The following NRXN1 variants were observed in gnomAD, a reference collection of about 807,000 sequenced individuals.
NRXN1 encodes the protein neurexin 1.
A neutral mutation model predicts 150.9 loss-of-function variants in NRXN1; 39 were observed. The observed-to-expected ratio is 0.26, with a 90% CI of 0.20 to 0.34. The LOEUF is 0.34. NRXN1 is among the 10% of genes least tolerant of loss of function. The pLI is 1.00. For synonymous variants in NRXN1, 924 were observed against 757.0 expected (o/e 1.22, Z -3.62); for missense variants, 1,815 against 1,949.9 (o/e 0.93, Z 1.30).
intron 17 of NRXN1, among the ~76,000 whole-genome samples, chr2:50,301,672 T>C (rs1034531102): frequency 1.3e-5 from 2 of 152,152 alleles, no homozygotes; most frequent in Non-Finnish European, 2.9e-5. Context: ...TCTCTGAGAA[T>C]ACCCTGGCAT....
At chr2:50,637,793 C>G (rs1683451921) in intron 5 of NRXN1, among the ~76,000 whole-genome samples, 1 of 151,672 alleles carries the variant, frequency 6.6e-6, no homozygotes, top group African/African-American at 2.4e-5. Context: ...CAGGGACATG[C>G]CAGAGAATGG....
intron 21 of NRXN1, among the ~76,000 whole-genome samples, chr2:49,957,722 C>T (rs1210341017): frequency 1.3e-5 from 2 of 152,080 alleles, no homozygotes; most frequent in African/African-American, 4.8e-5. Context: ...GCTCCAGTTC[C>T]CTTTTAGGTA....
intron 5 of NRXN1, among the ~76,000 whole-genome samples, chr2:50,773,424 C>G (rs1332932484): frequency 6.6e-6 from 1 of 152,020 alleles, no homozygotes; most frequent in South Asian, 2.1e-4. Flanking sequence ...TGTCCCTTTG[C>G]GGGGGAGGAA....
chr2:50,601,782 A>G (rs1237362604), intron 8 of NRXN1, among the ~76,000 whole-genome samples: 1 of 152,210 alleles, frequency 6.6e-6, no homozygotes, highest in East Asian at 1.9e-4. Flanking sequence ...CATACACTGG[A>G]GTACATTTAA....
At chr2:50,556,521 A>T (rs1573534234) in intron 8 of NRXN1, among the ~76,000 whole-genome samples, 7 of 115,126 alleles carry the variant, frequency 6.1e-5, no homozygotes, top group South Asian at 2.5e-4. Flanking sequence ...TTTTTTTTTT[A>T]AAGAGTGATT....
chr2:49,972,003 A>AACT (rs1678042897), intron 21 of NRXN1, among the ~76,000 whole-genome samples: 2 of 152,202 alleles, frequency 1.3e-5, no homozygotes, highest in Admixed American at 6.5e-5. Flanking sequence ...TCCACTAGAT[A>AACT]ACTGACAAGT....
At chr2:50,259,892 G>C (rs1008686654) in intron 17 of NRXN1, among the ~76,000 whole-genome samples, 7 of 151,872 alleles carry the variant, frequency 4.6e-5, no homozygotes, top group African/African-American at 7.2e-5. Flanking sequence ...CATCAAGGTG[G>C]TTTATCATTT....
At chr2:50,708,102 T>C (rs188017440) in intron 5 of NRXN1, among the ~76,000 whole-genome samples, 1 of 152,138 alleles carries the variant, frequency 6.6e-6, no homozygotes, top group African/African-American at 2.4e-5. Flanking sequence ...CCTAAGAAAA[T>C]TACGAGTTCC....
At chr2:49,954,092 G>C (rs1352239563) in intron 21 of NRXN1, among the ~76,000 whole-genome samples, 2 of 152,114 alleles carry the variant, frequency 1.3e-5, no homozygotes, top group Non-Finnish European at 2.9e-5. Flanking sequence ...GCTCCGGATA[G>C]TGCTTGAAGA....
intron 5 of NRXN1, among the ~76,000 whole-genome samples, chr2:50,682,525 C>T (rs1040372229): frequency 2.6e-5 from 4 of 152,158 alleles, no homozygotes; most frequent in African/African-American, 9.6e-5. Context: ...GGTTGACACA[C>T]ATATGAGCAC....
intron 5 of NRXN1, among the ~76,000 whole-genome samples, chr2:50,773,610 T>G (rs1283619786): frequency 6.6e-6 from 1 of 152,170 alleles, no homozygotes. Context: ...AAGCTAATCC[T>G]GTGTTCTCAG....
At chr2:50,457,336 C>T (rs35738118) in intron 17 of NRXN1, among the ~76,000 whole-genome samples, 1,639 of 152,188 alleles carry the variant, frequency 0.011, 19 homozygotes, top group Non-Finnish European at 0.013. Context: ...GGGAATTTTG[C>T]AGCTAGGGAA....
At chr2:50,601,832 C>A (rs534236831) in intron 8 of NRXN1, among the ~76,000 whole-genome samples, 2 of 152,244 alleles carry the variant, frequency 1.3e-5, no homozygotes, top group Admixed American at 1.3e-4. Context: ...CAGGTCTGCT[C>A]CTTCCTTGTT....
In NRXN1 at chr2:50,346,590, G is replaced by C; in HGVS notation, c.3365-109620C>G. ...CACCCAAATGCACCTCCCTTTTGTC[G>C]AGCTCCCATTTCTCTGAGCCTTAGG... On this transcript the variant is annotated intron_variant, in intron 17 of 22. Coordinates refer to ENST00000401669, the MANE Select transcript of NRXN1 (RefSeq NM_001330078.2). The surrounding 1 kb of genome is among the most constrained non-coding windows in gnomAD (Gnocchi z 5.0). 1.6e-6 allele frequency: 2 copies of C among 1,272,248 alleles called. No individual in the cohort carries two copies. Among genetic ancestry groups the C allele is most frequent in the Non-Finnish European group, 2.3e-6 (2 of 884,778 alleles). 78.8% of individuals were successfully genotyped at this position (1,272,248 alleles called of 1,614,324 possible). A position where few individuals can be genotyped will look rare whatever the true frequency, so the allele number is the denominator to read the frequency against.
intron 12 of NRXN1, among the ~76,000 whole-genome samples, chr2:50,525,822 G>A (rs2092936710): frequency 6.6e-6 from 1 of 152,158 alleles, no homozygotes; most frequent in African/African-American, 2.4e-5. Flanking sequence ...GGGGGGAAAT[G>A]GTAGCAATAA....
chr2:50,685,929 C>T (rs1018246208), intron 5 of NRXN1, among the ~76,000 whole-genome samples: 3 of 151,970 alleles, frequency 2.0e-5, no homozygotes, highest in Admixed American at 1.3e-4. Flanking sequence ...CAAGTTTAAC[C>T]GCATCAAAAA....
intron 2 of NRXN1, among the ~76,000 whole-genome samples, chr2:50,981,048 G>A (rs1696702610): frequency 6.6e-6 from 1 of 152,084 alleles, no homozygotes; most frequent in Non-Finnish European, 1.5e-5. Flanking sequence ...AGTAATTACA[G>A]ATATCTCTTC....
chr2:50,100,274 A>G (rs1700816887), intron 18 of NRXN1, among the ~76,000 whole-genome samples: 1 of 152,040 alleles, frequency 6.6e-6, no homozygotes, highest in Non-Finnish European at 1.5e-5. Flanking sequence ...ATTATTGGGA[A>G]GAGCCCCTGC....
intron 17 of NRXN1, among the ~76,000 whole-genome samples, chr2:50,310,471 G>A (rs1344208428): frequency 6.6e-6 from 1 of 152,150 alleles, no homozygotes; most frequent in Non-Finnish European, 1.5e-5. Context: ...CCTACTTTGT[G>A]AAGTGATATT....
Sources: gnomAD v4.1 joint callset for allele counts (sites outside exome capture counted in the v4.1 genomes callset) on GRCh38, gnomAD v4.1.1 for gene constraint, Gnocchi (gnomAD v3.1) non-coding constraint, MANE v1.5 for transcripts, NCBI Gene and HGNC (gene_info 2026-07-23, HGNC 2026-07-21) for gene names.